The following PTCRA variants were observed in gnomAD, a reference collection of about 807,000 sequenced individuals.
PTCRA encodes pre T-cell antigen receptor alpha.
PTCRA carries 9 observed loss-of-function variants against 13.4 expected under a neutral mutation model. That is an observed-to-expected ratio of 0.67 (90% CI 0.41 to 1.18). The LOEUF (loss-of-function observed/expected upper bound fraction) is 1.18. PTCRA is among the 50% of genes most tolerant of loss of function. PTCRA has a pLI of 0.01. For synonymous variants in PTCRA, 153 were observed against 161.9 expected (o/e 0.94, Z 0.42); for missense variants, 353 against 359.8 (o/e 0.98, Z 0.15).
intron 1 of PTCRA, among the ~76,000 whole-genome samples, chr6:42,917,845 C>T (rs544164793): frequency 4.6e-5 from 7 of 151,852 alleles, no homozygotes; most frequent in South Asian, 4.2e-4. Context: ...CCACTGAGCC[C>T]GGCCTAACAC....
At chr6:42,920,914 T>A (rs1767124229) in intron 1 of PTCRA, among the ~76,000 whole-genome samples, 1 of 149,936 alleles carries the variant, frequency 6.7e-6, no homozygotes, top group South Asian at 2.1e-4. Flanking sequence ...TGTGCCTCAG[T>A]CTCCAGAGTA....
chr6:42,917,526 ATATTATTATTATTAT>A lies in PTCRA; in HGVS notation c.58+1429_58+1443del, dbSNP rs71547824. Reference sequence around the variant, plus strand: ...CGTGAGCCACCTCACCCAGCCCGTTATATTATTATTATTATTATTATTATTATTATTATTATTATT... The same window carrying A: ...CGTGAGCCACCTCACCCAGCCCGTTATATTATTATTATTATTATTATTATT... On this transcript the variant is annotated intron_variant, in intron 1 of 3. Coordinates refer to ENST00000304672, the MANE Select transcript of PTCRA (RefSeq NM_138296.3). 4.3e-4 allele frequency among the ~76,000 whole-genome samples: 56 copies of A among 131,716 alleles called. 1 individual carries two copies. The highest frequency in any genetic ancestry group is 1.1e-3 in the African/African-American group (40 of 35,616). 86.4% of individuals were successfully genotyped at this position (131,716 alleles called of 152,430 possible).
In PTCRA at chr6:42,925,538, G is replaced by C. The variant is rs112142292; in HGVS notation, c.702G>C (p.Trp234Cys). Reference protein sequence around the residue: ...PPGRKPGSPVWGEGSYLSSYP... With the variant: ...PPGRKPGSPVCGEGSYLSSYP... ...GTCGGAAGCCCGGGAGCCCAGTATG[G>C]GGGGAAGGGTCTTACCTCAGCAGTT... The change falls in exon 4 of 4, where the codon TGG (tryptophan) becomes TGC (cysteine). Residue 234 changes from tryptophan (W) to cysteine (C), a missense_variant. Physicochemically the swap from Trp to Cys is radical, Grantham distance 215. Coordinates refer to ENST00000304672, the MANE Select transcript of PTCRA (RefSeq NM_138296.3). This position sits in a 1 kb window ranked among gnomAD's most constrained non-coding sequence, Gnocchi z 4.4. The C allele has an allele frequency of 4.4e-6, 7 of 1,590,038 alleles. No homozygotes were observed. In the African/African-American group the frequency reaches 5.4e-5, roughly 12 times the overall value.
intron 1 of PTCRA, among the ~76,000 whole-genome samples, chr6:42,917,695 G>A (rs1429399960): frequency 2.7e-5 from 4 of 150,424 alleles, no homozygotes; most frequent in African/African-American, 4.9e-5. Flanking sequence ...GATTACAGCC[G>A]CCCACCATCA....
intron 1 of PTCRA, chr6:42,922,105 C>G: frequency 3.2e-6 from 2 of 627,778 alleles, no homozygotes; most frequent in Non-Finnish European, 5.7e-6. Flanking sequence ...TACCCAAGCA[C>G]ACTCCACCTA....
chr6:42,923,515 A>G (rs1408043019), intron 2 of PTCRA, among the ~76,000 whole-genome samples, 168 bp downstream of exon 2: 1 of 152,234 alleles, frequency 6.6e-6, no homozygotes, highest in Non-Finnish European at 1.5e-5. Flanking sequence ...CCTCAGGGCC[A>G]TGAATTTTGG....
At chr6:42,916,515 G>A (rs1766884675) in intron 1 of PTCRA, among the ~76,000 whole-genome samples, 1 of 152,280 alleles carries the variant, frequency 6.6e-6, no homozygotes, top group Non-Finnish European at 1.5e-5. Context: ...GATGTCATAT[G>A]GGTAACAGTG....
rs745333497 is a variant in PTCRA, at chr6:42,925,297, G to A, written c.461G>A (p.Arg154Gln). The A allele has an allele frequency of 1.4e-5, 22 of 1,588,968 alleles. No individual in the cohort carries two copies. Among genetic ancestry groups the A allele is most frequent in the African/African-American group, 2.7e-5 (2 of 74,672 alleles). Residue 154 changes from arginine (R) to glutamine (Q), a missense_variant, in exon 4 of 4, where the codon CGG (arginine) becomes CAG (glutamine). Coordinates refer to ENST00000304672, the MANE Select transcript of PTCRA (RefSeq NM_138296.3). The surrounding 1 kb of genome is among the most constrained non-coding windows in gnomAD (Gnocchi z 4.4). ...GGGGCGCTGTGGCTGGGGGTCCTGC[G>A]GCTGCTGCTCTTCAAGCTGCTGCTG... ...PGGALWLGVLRLLLFKLLLFD... is the reference protein window; with the variant it reads ...PGGALWLGVLQLLLFKLLLFD...
Position 42,916,095 on chromosome 6 carries a change from T to C in PTCRA, c.26T>C (p.Leu9Pro). MAGTWLLL[L>P]LALGCPALPT... ...ATGGCCGGTACATGGCTGCTACTTCTCCTGGCCCTTGGGTGTCCAGCCCTA... is the reference window on the plus strand; with the variant it reads ...ATGGCCGGTACATGGCTGCTACTTCCCCTGGCCCTTGGGTGTCCAGCCCTA... The change falls in exon 1 of 4, where the codon CTC becomes CCC. Residue 9 changes from leucine (L) to proline (P), a missense_variant. Physicochemically the swap from Leu to Pro is moderately conservative, Grantham distance 98 (BLOSUM62 -3). Coordinates refer to ENST00000304672, the MANE Select transcript of PTCRA (RefSeq NM_138296.3). 1 of 1,614,042 alleles carries C rather than the reference T, an allele frequency of 6.2e-7. No homozygotes were observed. Among genetic ancestry groups the C allele is most frequent in the Non-Finnish European group, 8.5e-7 (1 of 1,179,916 alleles).
In PTCRA at chr6:42,925,131, G is replaced by A; in HGVS notation, c.425-130G>A. 8.0e-7 allele frequency: 1 copy of A among 1,256,086 alleles called. No homozygotes were observed. Among genetic ancestry groups the A allele is most frequent in the Admixed American group, 2.6e-5 (1 of 38,116 alleles). 77.8% of individuals were successfully genotyped at this position (1,256,086 alleles called of 1,614,324 possible). On this transcript the variant is annotated intron_variant, in intron 3 of 3. Coordinates refer to ENST00000304672, the MANE Select transcript of PTCRA (RefSeq NM_138296.3). The surrounding 1 kb of genome is among the most constrained non-coding windows in gnomAD (Gnocchi z 4.4). ...CAGTAAGAACGGAGGCTAGACACCG[G>A]GAAGGACTTTCCCTGGAGGAGGGGG...
chr6:42,925,664 G>A lies in PTCRA; in HGVS notation c.828G>A (p.Leu276=), dbSNP rs748288550. The part of the protein sequence containing the change: ...AFFAGDLPPP[L]QAGAA ...TTGCAGGTGACCTGCCTCCTCCTCT[G>A]CAGGCTGGAGCTGCCTGAGGGCAGG... The change falls in exon 4 of 4, where the codon CTG becomes CTA. Residue 276 remains leucine (L), a synonymous_variant. Coordinates refer to ENST00000304672, the MANE Select transcript of PTCRA (RefSeq NM_138296.3). The surrounding 1 kb of genome is among the most constrained non-coding windows in gnomAD (Gnocchi z 4.4). 2 of 1,530,196 alleles carry A rather than the reference G, an allele frequency of 1.3e-6. No homozygotes were observed. Among genetic ancestry groups the A allele is most frequent in the Admixed American group, 4.2e-5 (2 of 47,930 alleles). 94.8% of individuals were successfully genotyped at this position (1,530,196 alleles called of 1,614,324 possible).
rs997088770 is a variant in PTCRA, at chr6:42,924,241, C to T, written c.392C>T (p.Thr131Ile). The T allele has an allele frequency of 5.6e-6, 9 of 1,610,392 alleles. No individual in the cohort carries two copies. The highest frequency in any genetic ancestry group is 1.7e-5 in the Admixed American group (1 of 59,238). ...QPMHLSGEAS[T>I]ARTCPQEPLR... ...CCCTGGACAACAGGAGAGGCTTCTACAGCCAGGACCTGCCCCCAGGAGCCT... is the reference window on the plus strand; with the variant it reads ...CCCTGGACAACAGGAGAGGCTTCTATAGCCAGGACCTGCCCCCAGGAGCCT... Residue 131 changes from threonine (T) to isoleucine (I), a missense_variant, in exon 3 of 4, where the codon ACA becomes ATA. Thr to Ile is a moderately conservative substitution (Grantham distance 89, BLOSUM62 -1). Transcript: ENST00000304672.
At chr6:42,921,343 C>T (rs1403990253) in intron 1 of PTCRA, among the ~76,000 whole-genome samples, 1 of 150,210 alleles carries the variant, frequency 6.7e-6, no homozygotes, top group Non-Finnish European at 1.5e-5. Flanking sequence ...CTCAGGTGAT[C>T]GCCCTGCCTC....
chr6:42,919,040 A>AT (rs575852291), intron 1 of PTCRA, among the ~76,000 whole-genome samples: 7,543 of 109,352 alleles, frequency 0.069, 463 homozygotes, highest in African/African-American at 0.18. Context: ...CCGTCCACCT[A>AT]TTTTTTTTTT....
rs1358140665 is a variant in PTCRA at position 42,916,060 on chromosome 6, C to T, written c.-10C>T. On this transcript the variant is annotated 5_prime_UTR_variant, in exon 1 of 4. Coordinates refer to ENST00000304672, the MANE Select transcript of PTCRA (RefSeq NM_138296.3). ...TCTGCAGCTGGGTCCTGCCTCCTTC[C>T]GAGTGGGCCATGGCCGGTACATGGC... 3.7e-6 allele frequency: 6 copies of T among 1,613,688 alleles called. No individual in the cohort carries two copies. The highest frequency in any genetic ancestry group is 1.1e-5 in the South Asian group (1 of 91,048).
chr6:42,925,561 G>GGTC lies in PTCRA; in HGVS notation c.725_726insGTC (p.Ser241_Ser242insArg). 1 of 1,599,042 alleles carries GGTC rather than the reference G, an allele frequency of 6.3e-7. No homozygotes were observed. On this transcript the variant is annotated inframe_insertion, in exon 4 of 4. Transcript: ENST00000304672. The surrounding 1 kb of genome is among the most constrained non-coding windows in gnomAD (Gnocchi z 4.4). The stretch of plus-strand genomic sequence containing the variant: ...TGGGGGGAAGGGTCTTACCTCAGCA[G>GGTC]TTACCCCACTTGCCCAGCACAGGCC...
At chr6:42,916,303 G>T (rs771232595) in intron 1 of PTCRA, among the ~76,000 whole-genome samples, 176 bp downstream of exon 1, 5 of 150,624 alleles carry the variant, frequency 3.3e-5, no homozygotes, top group Non-Finnish European at 4.4e-5. Flanking sequence ...ACCCTATATA[G>T]AGGGTCCCCA....
intron 2 of PTCRA, 150 bp downstream of exon 2, chr6:42,923,497 G>A (rs559780332): frequency 1.6e-5 from 12 of 735,630 alleles, no homozygotes; most frequent in South Asian, 3.7e-5. Context: ...GGGCTCAGGG[G>A]AGAGTGGCCT....
At chr6:42,924,330 C>CG (rs752526104) in intron 3 of PTCRA, 57 bp downstream of exon 3, 94 of 1,519,270 alleles carry the variant, frequency 6.2e-5, no homozygotes, top group African/African-American at 8.3e-5. Flanking sequence ...ACCTTGGGCC[C>CG]GGGGGGTGGG....
Sources: gnomAD v4.1 joint callset for allele counts (sites outside exome capture counted in the v4.1 genomes callset) on GRCh38, gnomAD v4.1.1 for gene constraint, Gnocchi (gnomAD v3.1) non-coding constraint, MANE v1.5 for transcripts, NCBI Gene and HGNC (gene_info 2026-07-23, HGNC 2026-07-21) for gene names.